The following GPR141 variants were observed in gnomAD, a reference collection of about 807,000 sequenced individuals.
The protein encoded by GPR141 is G protein-coupled receptor 141.
A neutral mutation model predicts 6.8 loss-of-function variants in GPR141; 6 were observed. That is an observed-to-expected ratio of 0.88 (90% CI 0.48 to 1.74). The LOEUF (loss-of-function observed/expected upper bound fraction) is 1.74, where lower values mean the gene tolerates loss of function less well. Ranked by LOEUF, GPR141 falls within the 40% of genes most tolerant of loss-of-function variation. The pLI, the probability that GPR141 is intolerant of heterozygous loss-of-function variation, is 0.01. For missense variants in GPR141, 372 were observed against 372.9 expected (o/e 1.00, Z 0.02); for synonymous variants, 140 against 142.3 (o/e 0.98, Z 0.11).
At chr7:37,704,879 T>C (rs947564369) in intron 2 of GPR141, among the ~76,000 whole-genome samples, 4 of 152,128 alleles carry the variant, frequency 2.6e-5, no homozygotes, top group Non-Finnish European at 5.9e-5. Context: ...CATCCATGAG[T>C]TTTTAAAAGA....
chr7:37,691,505 G>A (rs1809766442), intron 2 of GPR141, among the ~76,000 whole-genome samples: 1 of 151,836 alleles, frequency 6.6e-6, no homozygotes, highest in Non-Finnish European at 1.5e-5. Context: ...TTGTAGTTTT[G>A]TATGTTCTTT....
intron 2 of GPR141, among the ~76,000 whole-genome samples, chr7:37,732,203 G>C (rs1354339106): frequency 2.1e-5 from 3 of 145,074 alleles, no homozygotes; most frequent in African/African-American, 7.7e-5. Context: ...GAGTGCAGTG[G>C]CGTGATCTCG....
chr7:37,737,148 A>G (rs1562792657), intron 2 of GPR141, among the ~76,000 whole-genome samples: 1 of 152,174 alleles, frequency 6.6e-6, no homozygotes. Context: ...TAAAGAAAAG[A>G]AGCTTGAGTG....
intron 2 of GPR141, among the ~76,000 whole-genome samples, chr7:37,704,525 T>G (rs1262325442): frequency 6.6e-6 from 1 of 152,092 alleles, no homozygotes; most frequent in African/African-American, 2.4e-5. Context: ...GGGAACAGCA[T>G]GGGGGAAACC....
intron 2 of GPR141, chr7:37,713,349 A>C (rs767216455): frequency 6.6e-6 from 1 of 152,148 alleles, no homozygotes; most frequent in Non-Finnish European, 1.5e-5. Context: ...TAGAGATCTC[A>C]TTATGTTACC....
chr7:37,688,728 A>G (rs1162159161), intron 2 of GPR141, among the ~76,000 whole-genome samples: 1 of 152,156 alleles, frequency 6.6e-6, no homozygotes, highest in Non-Finnish European at 1.5e-5. Context: ...GACAAGAGGA[A>G]GGCCCATTGA....
intron 2 of GPR141, among the ~76,000 whole-genome samples, chr7:37,714,174 A>G (rs1019053115): frequency 6.6e-6 from 1 of 152,158 alleles, no homozygotes; most frequent in Non-Finnish European, 1.5e-5. Flanking sequence ...GTGAGTGTGG[A>G]AACACGTGTT....
At chr7:37,692,303 A>G (rs1809813896) in intron 2 of GPR141, among the ~76,000 whole-genome samples, 1 of 152,184 alleles carries the variant, frequency 6.6e-6, no homozygotes, top group African/African-American at 2.4e-5. Context: ...AGCTTCATCC[A>G]TATCCCTGCA....
At chr7:37,699,728 A>T (rs755463666) in intron 2 of GPR141, among the ~76,000 whole-genome samples, 1 of 152,248 alleles carries the variant, frequency 6.6e-6, no homozygotes, top group East Asian at 1.9e-4. Context: ...AATGTATTGA[A>T]CACATTTAAA....
Position 37,740,460 on chromosome 7 carries a change from C to T in GPR141, c.67C>T (p.Leu23Phe). ...TATAGTGACACCCCACTTAATCAGC[C>T]TCTACTTCATAGTGCTTATTGGCGG... ...DPIVTPHLIS[L>F]YFIVLIGGLV... is the part of the protein sequence containing the mutation. Residue 23 changes from leucine (L) to phenylalanine (F), a missense_variant, in exon 3 of 3, where the codon CTC becomes TTC. Transcript: ENST00000334425. The T allele has an allele frequency of 6.2e-7, 1 of 1,613,964 alleles. No homozygotes were observed. Among genetic ancestry groups the T allele is most frequent in the East Asian group, 2.2e-5 (1 of 44,874 alleles).
chr7:37,718,235 G>T (rs1347804208), intron 2 of GPR141, among the ~76,000 whole-genome samples: 1 of 152,050 alleles, frequency 6.6e-6, no homozygotes, highest in Non-Finnish European at 1.5e-5. Context: ...TTGTATAAGT[G>T]CTATAAAGAA....
At chr7:37,711,207 G>A (rs937553566) in intron 2 of GPR141, among the ~76,000 whole-genome samples, 2 of 152,122 alleles carry the variant, frequency 1.3e-5, no homozygotes, top group Non-Finnish European at 2.9e-5. Flanking sequence ...TCATCTGGAG[G>A]CCTTCTTAAA....
chr7:37,716,213 A>G (rs1233292346), intron 2 of GPR141, among the ~76,000 whole-genome samples: 1 of 152,206 alleles, frequency 6.6e-6, no homozygotes, highest in Admixed American at 6.6e-5. Flanking sequence ...GGAGAAACTG[A>G]CAAGAATTAG....
chr7:37,723,139 T>G lies in GPR141; in HGVS notation c.-14-17241T>G, dbSNP rs543357991. Among the ~76,000 whole-genome samples the G allele has an allele frequency of 8.6e-5, 13 of 151,662 alleles. No homozygotes were observed. In the South Asian group the frequency reaches 2.7e-3, roughly 32 times the overall value. On this transcript the variant is annotated intron_variant, in intron 2 of 2. Transcript: ENST00000334425. ...TCCTGAGTAGCTGGGACTACAGGAGTGTGTTACCACACCTGGCTAATTTTT... is the reference window on the plus strand; with the variant it reads ...TCCTGAGTAGCTGGGACTACAGGAGGGTGTTACCACACCTGGCTAATTTTT...
intron 2 of GPR141, among the ~76,000 whole-genome samples, chr7:37,700,967 G>A (rs1810255304): frequency 6.6e-6 from 1 of 152,190 alleles, no homozygotes; most frequent in Non-Finnish European, 1.5e-5. Context: ...TGATTAACCT[G>A]AGCGTGGATG....
intron 2 of GPR141, among the ~76,000 whole-genome samples, chr7:37,699,572 CAAAACAAATAGG>C (rs1810185494): frequency 6.6e-6 from 1 of 152,056 alleles, no homozygotes; most frequent in Non-Finnish European, 1.5e-5. Flanking sequence ...AAAAACAAAA[CAAAACAAATAGG>C]TGTAGTTATG....
intron 2 of GPR141, among the ~76,000 whole-genome samples, chr7:37,724,531 TG>T (rs1159426099): frequency 1.3e-5 from 2 of 152,186 alleles, no homozygotes; most frequent in African/African-American, 4.8e-5. Context: ...CAGATTTTTT[TG>T]GTTTTGGTTT....
chr7:37,739,934 C>G (rs1812443083), intron 2 of GPR141, among the ~76,000 whole-genome samples: 5 of 151,976 alleles, frequency 3.3e-5, no homozygotes, highest in Admixed American at 3.3e-4. Flanking sequence ...GGGTCATTTG[C>G]TAATAAGTAA....
In GPR141 at chr7:37,743,417, A is replaced by G. The variant is rs962448321; in HGVS notation, c.*2106A>G. 1.4e-4 allele frequency among the ~76,000 whole-genome samples: 22 copies of G among 152,066 alleles called. No homozygotes were observed. The highest frequency in any genetic ancestry group is 5.1e-4 in the African/African-American group (21 of 41,538). On this transcript the variant is annotated 3_prime_UTR_variant, in exon 3 of 3. Coordinates refer to ENST00000334425, the MANE Select transcript of GPR141 (RefSeq NM_001381946.1). The stretch of plus-strand genomic sequence containing the variant: ...TTAAATATCCTTTTAAACAAGTAAT[A>G]TTTCTTTTCTTTCTTGCCTTTTTTC...
Sources: gnomAD v4.1 joint callset for allele counts (sites outside exome capture counted in the v4.1 genomes callset) on GRCh38, gnomAD v4.1.1 for gene constraint, MANE v1.5 for transcripts, NCBI Gene and HGNC (gene_info 2026-07-23, HGNC 2026-07-21) for gene names.